STK33: variants seen among roughly 807,000 people sequenced by gnomAD.
STK33 encodes serine/threonine-protein kinase 33.
STK33 carries 52 observed loss-of-function variants against 58.0 expected under a neutral mutation model. The ratio of observed to expected loss-of-function variants is 0.90; its 90% CI spans 0.72 to 1.13. The LOEUF (loss-of-function observed/expected upper bound fraction) is 1.13. STK33 is among the 50% of genes most tolerant of loss of function. The pLI is 0.00. For missense variants in STK33, 630 were observed against 604.2 expected (o/e 1.04, Z -0.45); for synonymous variants, 215 against 200.1 (o/e 1.07, Z -0.63).
the STK33 span, among the ~76,000 whole-genome samples, chr11:8,356,683 T>G: frequency 2.0e-5 from 3 of 152,138 alleles, no homozygotes; most frequent in African/African-American, 7.2e-5. Flanking sequence ...CCTCTGTCCA[T>G]AGCAATTCCT....
intron 8 of STK33, among the ~76,000 whole-genome samples, chr11:8,459,465 A>G (rs1947260810): frequency 6.6e-6 from 1 of 152,150 alleles, no homozygotes; most frequent in Admixed American, 6.5e-5. Flanking sequence ...GCTTGTACCC[A>G]TAATGGAGTA....
Position 8,440,725 on chromosome 11 carries a change from A to C in STK33, c.900T>G (p.Tyr300Ter), listed in dbSNP as rs1278621386. 6.4e-7 allele frequency: 1 copy of C among 1,571,142 alleles called. No homozygotes were observed. The highest frequency in any genetic ancestry group is 8.7e-7 in the Non-Finnish European group (1 of 1,155,994). ...TGCTCCAAATGTCACACTGCTGGCT[A>C]TAGTCGTGGGCACTGATAACTTCAG... ...MAPEVISAHD[Y>*]SQQCDIWSIG... Residue 300 changes from tyrosine (Y) to a stop codon, truncating the protein, a stop_gained, in exon 12 of 16, where the codon TAT becomes TAG. Transcript: ENST00000687296. LOFTEE classifies it high-confidence loss of function.
chr11:8,507,740 G>A (rs1951977036), intron 1 of STK33, among the ~76,000 whole-genome samples: 2 of 152,108 alleles, frequency 1.3e-5, no homozygotes, highest in Admixed American at 6.6e-5. Context: ...GACAACTGAG[G>A]CAAATATAAT....
intron 15 of STK33, among the ~76,000 whole-genome samples, chr11:8,400,259 AG>A (rs1204952231): frequency 6.6e-6 from 1 of 152,226 alleles, no homozygotes; most frequent in Non-Finnish European, 1.5e-5. Context: ...CACATCAAAA[AG>A]CTTATCCACC....
the STK33 span, among the ~76,000 whole-genome samples, chr11:8,379,991 G>A: frequency 6.6e-6 from 1 of 152,066 alleles, no homozygotes; most frequent in Non-Finnish European, 1.5e-5. Context: ...AGTATTCCAT[G>A]GTGTTTATAT....
intron 1 of STK33, among the ~76,000 whole-genome samples, chr11:8,523,519 C>T (rs1353180876): frequency 6.6e-6 from 1 of 150,970 alleles, no homozygotes; most frequent in African/African-American, 2.4e-5. Context: ...CTCCGCTGGG[C>T]AGCCGCCCCG....
At chr11:8,460,321 G>A (rs1476124103) in intron 8 of STK33, among the ~76,000 whole-genome samples, 1 of 151,946 alleles carries the variant, frequency 6.6e-6, no homozygotes, top group Non-Finnish European at 1.5e-5. Flanking sequence ...CATTAAAACA[G>A]TTATTATAAC....
intron 14 of STK33, among the ~76,000 whole-genome samples, chr11:8,415,585 T>C (rs943825409): frequency 5.3e-5 from 8 of 152,112 alleles, no homozygotes; most frequent in East Asian, 1.9e-4. Context: ...TCCCAGCCAA[T>C]TGGTCATGGA....
Position 8,465,005 on chromosome 11 carries a change from C to T in STK33, c.340-183G>A, listed in dbSNP as rs184134762. ...ACACATCTTAATTAACCAAAATAAG[C>T]GTTGATGAATTTTATTAAGTGTCCT... On this transcript the variant is annotated intron_variant, in intron 6 of 15. Coordinates refer to ENST00000687296, the MANE Select transcript of STK33 (RefSeq NM_001352389.2). 8 of 372,396 alleles carry T rather than the reference C, an allele frequency of 2.1e-5. No individual in the cohort carries two copies. In the Admixed American group the frequency reaches 2.2e-4, roughly 10 times the overall value. The allele number at this position is 372,396 out of a possible 1,614,324, so 23.1% of individuals were successfully genotyped here. A position where few individuals can be genotyped will look rare whatever the true frequency, so the allele number is the denominator to read the frequency against.
chr11:8,504,844 T>C (rs867342993), intron 1 of STK33, among the ~76,000 whole-genome samples: 2 of 152,114 alleles, frequency 1.3e-5, no homozygotes, highest in Non-Finnish European at 2.9e-5. Flanking sequence ...TAATAAATGA[T>C]ATAGGAACAA....
chr11:8,589,606 T>C (rs2032274564), intron 1 of STK33, among the ~76,000 whole-genome samples: 1 of 152,188 alleles, frequency 6.6e-6, no homozygotes, highest in African/African-American at 2.4e-5. Context: ...GTCACTACTA[T>C]TTAACTAGTG....
intron 1 of STK33, among the ~76,000 whole-genome samples, chr11:8,546,806 TACC>T: frequency 6.6e-6 from 1 of 152,300 alleles, no homozygotes; most frequent in Non-Finnish European, 1.5e-5. Flanking sequence ...TGTGTATATT[TACC>T]ACATTTTCTT....
chr11:8,520,654 T>A (rs1021745039), intron 1 of STK33, among the ~76,000 whole-genome samples: 1 of 152,172 alleles, frequency 6.6e-6, no homozygotes, highest in African/African-American at 2.4e-5. Flanking sequence ...AGTCTCAGTA[T>A]ACAAAATCAA....
chr11:8,581,349 A>G (rs1405088455), intron 1 of STK33, among the ~76,000 whole-genome samples: 2 of 152,056 alleles, frequency 1.3e-5, no homozygotes, highest in African/African-American at 4.8e-5. Flanking sequence ...AGACCCCCAT[A>G]TATATAAAAA....
In STK33 at chr11:8,392,338, G is replaced by T; in HGVS notation, c.*172C>A. 1 of 763,040 alleles carries T rather than the reference G, an allele frequency of 1.3e-6. No individual in the cohort carries two copies. Among genetic ancestry groups the T allele is most frequent in the Non-Finnish European group, 2.2e-6 (1 of 462,684 alleles). The allele number at this position is 763,040 out of a possible 1,614,324, so 47.3% of individuals were successfully genotyped here. On this transcript the variant is annotated 3_prime_UTR_variant, in exon 16 of 16. Coordinates refer to ENST00000687296, the MANE Select transcript of STK33 (RefSeq NM_001352389.2). The stretch of plus-strand genomic sequence containing the variant: ...TTTAATGCCATGTGCAGCTTATGCT[G>T]CTTTGGAGATAAGCAGCTTCAATTT...
At chr11:8,399,751 A>G (rs897643302) in intron 15 of STK33, among the ~76,000 whole-genome samples, 3 of 152,208 alleles carry the variant, frequency 2.0e-5, no homozygotes, top group Non-Finnish European at 4.4e-5. Context: ...AAGAGAGAAG[A>G]ATCAAATAGA....
intron 1 of STK33, among the ~76,000 whole-genome samples, chr11:8,551,050 G>A (rs1260958970): frequency 6.6e-6 from 1 of 152,144 alleles, no homozygotes; most frequent in African/African-American, 2.4e-5. Context: ...ATGACAGAAG[G>A]CAAGGAAGGG....
At chr11:8,472,289 G>C (rs1948852337) in intron 6 of STK33, among the ~76,000 whole-genome samples, 1 of 152,050 alleles carries the variant, frequency 6.6e-6, no homozygotes, top group African/African-American at 2.4e-5. Flanking sequence ...TTTCAGGCCA[G>C]GCAGCTTTTC....
the STK33 span, among the ~76,000 whole-genome samples, chr11:8,350,564 T>A: frequency 6.6e-6 from 1 of 152,164 alleles, no homozygotes; most frequent in Non-Finnish European, 1.5e-5. Context: ...CATGCCACTC[T>A]TCTGGTGCCA....
Sources: allele counts gnomAD v4.1 joint callset (sites outside exome capture counted in the v4.1 genomes callset), GRCh38; gene constraint gnomAD v4.1.1; transcripts MANE v1.5; gene names NCBI Gene and HGNC (gene_info 2026-07-23, HGNC 2026-07-21).